Variants in NSD1 observed in about 807,000 individuals in gnomAD.
NSD1 encodes nuclear receptor binding SET domain protein 1.
Under a neutral mutation model 242.7 loss-of-function variants are expected in NSD1, and 26 were observed. The observed-to-expected ratio is 0.11, with a 90% CI of 0.08 to 0.15. NSD1 has a LOEUF of 0.15. Ranked by LOEUF, NSD1 falls within the 10% of genes least tolerant of loss-of-function variation. The pLI, the probability that NSD1 is intolerant of heterozygous loss-of-function variation, is 1.00. For missense variants in NSD1, 2,495 were observed against 3,272.8 expected, an observed-to-expected ratio of 0.76 and a Z score of 5.80; for synonymous variants, 1,106 against 1,178.1, an observed-to-expected ratio of 0.94 and a Z score of 1.25.
chr5:177,167,250 A>G (rs1759281650), intron 2 of NSD1, among the ~76,000 whole-genome samples: 2 of 151,662 alleles, frequency 1.3e-5, no homozygotes, highest in African/African-American at 4.8e-5. Context: ...AAATTTATTG[A>G]ATATGGCCGG....
At chr5:177,166,593 A>C (rs1759221086) in intron 2 of NSD1, among the ~76,000 whole-genome samples, 1 of 151,082 alleles carries the variant, frequency 6.6e-6, no homozygotes, top group Non-Finnish European at 1.5e-5. Context: ...TTTTAACTTC[A>C]CCTATTTTTT....
rs1761723256 is a variant in NSD1, at chr5:177,191,880, A to G, written c.928-4A>G. The G allele has an allele frequency of 6.2e-6, 10 of 1,613,964 alleles. No individual in the cohort carries two copies. Among genetic ancestry groups the G allele is most frequent in the Non-Finnish European group, 8.5e-6 (10 of 1,179,888 alleles). On this transcript the variant is annotated splice_polypyrimidine_tract_variant and splice_region_variant and intron_variant, in intron 2 of 22. Coordinates refer to ENST00000439151, the MANE Select transcript of NSD1 (RefSeq NM_022455.5). ...TTGATGCCCCATGTTTTGTCTGTCT[A>G]AAGTGTCAACCTAAGAAAAAGTCTA... is the stretch of plus-strand genomic sequence containing the variant.
intron 2 of NSD1, among the ~76,000 whole-genome samples, chr5:177,151,457 C>T (rs1307531538): frequency 6.6e-6 from 1 of 152,026 alleles, no homozygotes; most frequent in African/African-American, 2.4e-5. Context: ...GGCACAGTCT[C>T]GGCTCCCTGC....
chr5:177,212,990 A>G (rs1179233719), intron 5 of NSD1, among the ~76,000 whole-genome samples: 1 of 152,162 alleles, frequency 6.6e-6, no homozygotes, highest in South Asian at 2.1e-4. Context: ...GGACAATTTG[A>G]TGAACCACAT....
intron 2 of NSD1, among the ~76,000 whole-genome samples, chr5:177,146,320 C>T (rs1444332554): frequency 6.6e-6 from 1 of 150,982 alleles, no homozygotes; most frequent in Non-Finnish European, 1.5e-5. Flanking sequence ...ATTCTCCTGC[C>T]TCAGCCTCCT....
At chr5:177,274,839 G>T (rs1409337731) in intron 17 of NSD1, among the ~76,000 whole-genome samples, 6 of 151,818 alleles carry the variant, frequency 4.0e-5, no homozygotes, top group African/African-American at 1.5e-4. Flanking sequence ...GTTCAAGCAA[G>T]TCTTCTGCCG....
intron 2 of NSD1, among the ~76,000 whole-genome samples, chr5:177,188,855 T>C (rs1346336328): frequency 6.6e-6 from 1 of 151,836 alleles, no homozygotes; most frequent in Non-Finnish European, 1.5e-5. Context: ...AAAAAAAAAA[T>C]GCTTTAACAG....
At chr5:177,155,561 C>CTTTTTTTT (rs58025377) in intron 2 of NSD1, among the ~76,000 whole-genome samples, 1 of 96,608 alleles carries the variant, frequency 1.0e-5, no homozygotes, top group Non-Finnish European at 2.3e-5. Flanking sequence ...ACCGCACTGG[C>CTTTTTTTT]TTTTTTTTTT....
In NSD1 at chr5:177,238,267, C is replaced by G; in HGVS notation, c.3952C>G (p.Leu1318Val). The change falls in exon 7 of 23, where the codon CTA (leucine) becomes GTA (valine). Residue 1318 changes from leucine to valine, a missense_variant. This residue lies in a region of NSD1 where 100 missense variants were observed against 190.7 expected (regional missense o/e 0.52). Coordinates refer to ENST00000439151, the MANE Select transcript of NSD1 (RefSeq NM_022455.5). The surrounding 1 kb of genome is among the most constrained non-coding windows in gnomAD (Gnocchi z 4.6). ...VSSRCEEESL[L>V]ARGRSSAQNK... ...TTCCCGCTGTGAAGAGGAAAGCCTT[C>G]TAGCCCGAGGTCGATCTAGTGCTCA... 1 of 1,614,144 alleles carries G rather than the reference C, an allele frequency of 6.2e-7. No homozygotes were observed. Among genetic ancestry groups the G allele is most frequent in the Non-Finnish European group, 8.5e-7 (1 of 1,180,040 alleles).
intron 2 of NSD1, among the ~76,000 whole-genome samples, chr5:177,166,075 A>G: frequency 6.6e-6 from 1 of 151,276 alleles, no homozygotes. Flanking sequence ...ACGCCCAGCT[A>G]ATTTTTGTAT....
At position 177,186,644 on chromosome 5, in the gene NSD1, C is replaced by T. The variant is rs889663940; in HGVS notation, c.928-5240C>T. On this transcript the variant is annotated intron_variant, in intron 2 of 22. Transcript: ENST00000439151. ...TAGTGATTTTCGAAGATGGTAGTGA[C>T]GAGCTTTTCTGGGTTAGTTTAATAT... Among the ~76,000 whole-genome samples the T allele has an allele frequency of 3.3e-5, 5 of 152,078 alleles. No homozygotes were observed. The East Asian group carries it at 7.7e-4, about 23-fold the overall frequency.
chr5:177,252,413 A>G (rs913545593), intron 12 of NSD1, among the ~76,000 whole-genome samples: 1 of 152,140 alleles, frequency 6.6e-6, no homozygotes, highest in African/African-American at 2.4e-5. Flanking sequence ...ATCGATAAAA[A>G]TATTTACCAA....
Position 177,147,583 on chromosome 5 carries a change from G to GT in NSD1, c.927+11561dup, listed in dbSNP as rs751602914. 4.3e-4 allele frequency among the ~76,000 whole-genome samples: 65 copies of GT among 150,888 alleles called. No homozygotes were observed. The East Asian group carries it at 4.7e-3, about 11-fold the overall frequency. On this transcript the variant is annotated intron_variant, in intron 2 of 22. Coordinates refer to ENST00000439151, the MANE Select transcript of NSD1 (RefSeq NM_022455.5). ...TAAGTTGTTGACTAAATCAATAGTT[G>GT]TTTTTTTTGTTTGTTTTTTTTTTGA...
chr5:177,166,957 G>C (rs1479774038), intron 2 of NSD1, among the ~76,000 whole-genome samples: 1 of 151,500 alleles, frequency 6.6e-6, no homozygotes, highest in East Asian at 2.0e-4. Context: ...TTTTGGCCAG[G>C]GTGGTCTTGA....
intron 20 of NSD1, among the ~76,000 whole-genome samples, chr5:177,285,599 G>A (rs890008802): frequency 2.7e-5 from 4 of 148,248 alleles, no homozygotes; most frequent in Non-Finnish European, 4.5e-5. Context: ...TTGTATAAAC[G>A]TTGTACATTT....
chr5:177,181,764 T>A (rs1425644633), intron 2 of NSD1, among the ~76,000 whole-genome samples: 1 of 151,800 alleles, frequency 6.6e-6, no homozygotes, highest in East Asian at 2.0e-4. Flanking sequence ...TGTGGTGGGT[T>A]CTGTGCTATT....
rs187072368 is a variant in NSD1, at chr5:177,272,898, C to T, written c.5510-774C>T. Among the ~76,000 whole-genome samples, 18 of 152,104 alleles carry T rather than the reference C, an allele frequency of 1.2e-4. No individual in the cohort carries two copies. In the East Asian group the frequency reaches 3.1e-3, roughly 26 times the overall value. ...ACCCTGTCTCAAAAAAAATAAAGTA[C>T]GGTACTTGAGTGTAGATTAGCTATG... is the stretch of plus-strand genomic sequence containing the variant. On this transcript the variant is annotated intron_variant, in intron 16 of 22. Coordinates refer to ENST00000439151, the MANE Select transcript of NSD1 (RefSeq NM_022455.5).
In NSD1 at chr5:177,211,637, G is replaced by T. The variant is rs1266442075; in HGVS notation, c.3238G>T (p.Gly1080Cys). The T allele has an allele frequency of 6.2e-7, 1 of 1,614,132 alleles. No individual in the cohort carries two copies. Among genetic ancestry groups the T allele is most frequent in the Non-Finnish European group, 8.5e-7 (1 of 1,180,018 alleles). The change falls in exon 5 of 23, where the codon GGT (glycine) becomes TGT (cysteine). Residue 1080 changes from glycine (G) to cysteine (C), a missense_variant. By Grantham distance (159) the Gly-to-Cys change is radical (BLOSUM62 -3). Around this residue, in one of 19 missense-constraint regions of NSD1, gnomAD observed 426 missense variants for 411.4 expected, o/e 1.04. Coordinates refer to ENST00000439151, the MANE Select transcript of NSD1 (RefSeq NM_022455.5). Reference sequence around the variant, plus strand: ...CCGAGAACGTGGAGGTTCATTGAGAGGTGGGGCAGAAGATCCTAGTAAAGA... The same window carrying T: ...CCGAGAACGTGGAGGTTCATTGAGATGTGGGGCAGAAGATCCTAGTAAAGA... ...GDRERGGSLRGGAEDPSKEDP... is the reference protein window; with the variant it reads ...GDRERGGSLRCGAEDPSKEDP...
intron 6 of NSD1, among the ~76,000 whole-genome samples, chr5:177,236,689 T>C (rs1408374160): frequency 6.6e-6 from 1 of 152,246 alleles, no homozygotes; most frequent in African/African-American, 2.4e-5. Flanking sequence ...TATCTCCTGT[T>C]CTCTGTCAAA....
Sources: allele counts gnomAD v4.1 joint callset (sites outside exome capture counted in the v4.1 genomes callset), GRCh38; gene constraint gnomAD v4.1.1; regional missense constraint gnomAD v4.1.1; non-coding constraint Gnocchi (gnomAD v3.1); transcripts MANE v1.5; gene names NCBI Gene and HGNC (gene_info 2026-07-23, HGNC 2026-07-21).